Variants in FAM120A observed in about 807,000 individuals in gnomAD.
FAM120A encodes the protein constitutive coactivator of PPAR-gamma-like protein 1.
A neutral mutation model predicts 109.7 loss-of-function variants in FAM120A; 15 were observed. The observed-to-expected ratio is 0.14, with a 90% confidence interval of 0.09 to 0.21. The LOEUF (loss-of-function observed/expected upper bound fraction) is 0.21. Ranked by LOEUF, FAM120A falls within the 10% of genes least tolerant of loss-of-function variation. The pLI is 1.00. For missense variants in FAM120A, 899 were observed against 1,439.3 expected (o/e 0.62, Z 6.07); for synonymous variants, 493 against 572.8 (o/e 0.86, Z 1.99).
At chr9:93,469,344 G>T (rs576212626) in intron 1 of FAM120A, among the ~76,000 whole-genome samples, 2 of 152,164 alleles carry the variant, frequency 1.3e-5, no homozygotes, top group African/African-American at 4.8e-5. Context: ...GGAACAAGCT[G>T]ACTTTTCTAG....
Position 93,471,233 on chromosome 9 carries a change from T to C in FAM120A, c.567T>C (p.Tyr189=). 1 of 1,614,216 alleles carries C rather than the reference T, an allele frequency of 6.2e-7. No homozygotes were observed. Among genetic ancestry groups the C allele is most frequent in the Non-Finnish European group, 8.5e-7 (1 of 1,180,042 alleles). The change falls in exon 2 of 18, where the codon TAT becomes TAC. Residue 189 remains tyrosine, a synonymous_variant. Transcript: ENST00000277165. ...FHGLVAYDSD[Y]ALCNIPYYFS... The stretch of plus-strand genomic sequence containing the variant: ...GCTTGGTTGCGTATGACTCTGATTA[T>C]GCACTGTGCAACATCCCCTACTATT...
intron 8 of FAM120A, among the ~76,000 whole-genome samples, chr9:93,528,337 A>C (rs1194264937): frequency 1.3e-5 from 2 of 152,268 alleles, no homozygotes; most frequent in Non-Finnish European, 2.9e-5. Flanking sequence ...TGTAAAGAGT[A>C]TACTTTGTTT....
At position 93,452,609 on chromosome 9, in the gene FAM120A, G is replaced by A. The variant is rs1462018336; in HGVS notation, c.474+220G>A. ...CCGTCTCCAGCTGTCCCTGTTCGGG[G>A]TCCGCGGCCGCGTGGGGACACTTGA... On this transcript the variant is annotated intron_variant, in intron 1 of 17. Transcript: ENST00000277165. This position sits in a 1 kb window ranked among gnomAD's most constrained non-coding sequence, Gnocchi z 7.0. 1.9e-6 allele frequency: 3 copies of A among 1,598,962 alleles called. No individual in the cohort carries two copies. The highest frequency in any genetic ancestry group is 1.3e-5 in the African/African-American group (1 of 74,922).
At chr9:93,463,994 A>G (rs1857904758) in intron 1 of FAM120A, among the ~76,000 whole-genome samples, 1 of 152,220 alleles carries the variant, frequency 6.6e-6, no homozygotes, top group Non-Finnish European at 1.5e-5. Flanking sequence ...ACCCTATGAG[A>G]TAGAGGAATA....
Position 93,516,151 on chromosome 9 carries a change from T to A in FAM120A, c.1300T>A (p.Ser434Thr). 6.2e-7 allele frequency: 1 copy of A among 1,613,948 alleles called. No homozygotes were observed. The highest frequency in any genetic ancestry group is 1.1e-5 in the South Asian group (1 of 91,070). ...EGKHTPLYER[S>T]SPINPAQSGS... The stretch of plus-strand genomic sequence containing the variant: ...GAAGCACACGCCGCTGTATGAGCGG[T>A]CCTCGCCCATCAACCCGGCCCAGAG... Residue 434 changes from serine (S) to threonine (T), a missense_variant, in exon 7 of 18, where the codon TCC (serine) becomes ACC (threonine). Physicochemically the swap from Ser to Thr is moderately conservative, Grantham distance 58. Transcript: ENST00000277165.
chr9:93,544,627 A>G (rs1861818824), intron 11 of FAM120A, among the ~76,000 whole-genome samples: 1 of 152,192 alleles, frequency 6.6e-6, no homozygotes, highest in Non-Finnish European at 1.5e-5. Context: ...CTAACAGTTG[A>G]TGGCATTTTA....
chr9:93,564,775 T>C lies in FAM120A; in HGVS notation c.*235T>C. ...AAAAAGAGAAAGAAAATGAAGAGCA[T>C]TTGACTCCCGCACTTAAAATGAAGT... is the stretch of plus-strand genomic sequence containing the variant. On this transcript the variant is annotated 3_prime_UTR_variant, in exon 18 of 18. Transcript: ENST00000277165. 2.3e-6 allele frequency: 1 copy of C among 434,622 alleles called. No homozygotes were observed. The highest frequency in any genetic ancestry group is 4.1e-6 in the Non-Finnish European group (1 of 246,560). 26.9% of individuals were successfully genotyped at this position (434,622 alleles called of 1,614,324 possible).
rs749240307 is a variant in FAM120A at position 93,476,342 on chromosome 9, C to A, written c.804+4C>A. The A allele has an allele frequency of 6.4e-7, 1 of 1,572,082 alleles. No individual in the cohort carries two copies. Among genetic ancestry groups the A allele is most frequent in the South Asian group, 1.1e-5 (1 of 89,824 alleles). ...ACATCCACTAGCCTCACTAAAGGTA[C>A]AAATTTCACTTTATTTTTCTAGCAT... is the stretch of plus-strand genomic sequence containing the variant. On this transcript the variant is annotated splice_donor_region_variant and intron_variant, in intron 3 of 17. Transcript: ENST00000277165.
intron 7 of FAM120A, among the ~76,000 whole-genome samples, chr9:93,525,865 G>A (rs1171705842): frequency 1.3e-5 from 2 of 152,224 alleles, no homozygotes; most frequent in Non-Finnish European, 1.5e-5. Flanking sequence ...CGGGAAACCT[G>A]AACAGGGTGG....
rs1437509301 is a variant in FAM120A at position 93,452,633 on chromosome 9, G to A, written c.474+244G>A. On this transcript the variant is annotated intron_variant, in intron 1 of 17. Transcript: ENST00000277165. This position sits in a 1 kb window ranked among gnomAD's most constrained non-coding sequence, Gnocchi z 7.0. The stretch of plus-strand genomic sequence containing the variant: ...GGTCCGCGGCCGCGTGGGGACACTT[G>A]AGGGCTGGGAGAGAGCCCCGGACCA... The A allele has an allele frequency of 1.9e-6, 3 of 1,599,224 alleles. No individual in the cohort carries two copies. The South Asian group carries it at 3.3e-5, about 18-fold the overall frequency.
intron 10 of FAM120A, among the ~76,000 whole-genome samples, chr9:93,542,123 T>G (rs1159204067): frequency 6.6e-6 from 1 of 152,180 alleles, no homozygotes; most frequent in Non-Finnish European, 1.5e-5. Context: ...GAAGATCAAA[T>G]TAGAGTTTAT....
At chr9:93,460,009 A>G (rs553439942) in intron 1 of FAM120A, among the ~76,000 whole-genome samples, 1 of 152,290 alleles carries the variant, frequency 6.6e-6, no homozygotes, top group East Asian at 1.9e-4. Flanking sequence ...TAATTTTCTG[A>G]ATCAAAATAC....
intron 10 of FAM120A, among the ~76,000 whole-genome samples, chr9:93,536,442 C>T (rs1056957274): frequency 2.0e-5 from 3 of 152,200 alleles, no homozygotes; most frequent in Non-Finnish European, 4.4e-5. Flanking sequence ...ACCTTATCTG[C>T]GCAGCTATAT....
At chr9:93,466,026 G>T (rs988400775) in intron 1 of FAM120A, among the ~76,000 whole-genome samples, 2 of 152,144 alleles carry the variant, frequency 1.3e-5, no homozygotes, top group South Asian at 4.2e-4. Context: ...CACATGGCAC[G>T]TGGCATTGAC....
Position 93,564,442 on chromosome 9 carries a change from A to C in FAM120A, c.3259A>C (p.Thr1087Pro). The C allele has an allele frequency of 6.2e-7, 1 of 1,614,222 alleles. No individual in the cohort carries two copies. The highest frequency in any genetic ancestry group is 8.5e-7 in the Non-Finnish European group (1 of 1,180,048). The change falls in exon 18 of 18, where the codon ACG becomes CCG. Residue 1087 changes from threonine to proline, a missense_variant. Transcript: ENST00000277165. Reference protein sequence around the residue: ...SESALNNDSKTCNTNPHLNAL... With the variant: ...SESALNNDSKPCNTNPHLNAL... ...AAGTGCCTTGAATAATGACTCTAAA[A>C]CGTGCAATACAAATCCTCATTTAAA... is the stretch of plus-strand genomic sequence containing the variant.
intron 16 of FAM120A, 133 bp from the exon 17 acceptor site, chr9:93,562,075 T>C: frequency 1.4e-6 from 1 of 736,672 alleles, no homozygotes; most frequent in Non-Finnish European, 2.2e-6. Context: ...AAATTGCAAC[T>C]TCCGGCATAA....
At chr9:93,553,108 A>G (rs1019440282) in intron 12 of FAM120A, among the ~76,000 whole-genome samples, 1 of 152,122 alleles carries the variant, frequency 6.6e-6, no homozygotes, top group African/African-American at 2.4e-5. Flanking sequence ...TGGCTCCTTA[A>G]ATACCTGTGA....
chr9:93,539,956 A>G (rs1861639385), intron 10 of FAM120A, among the ~76,000 whole-genome samples: 1 of 152,244 alleles, frequency 6.6e-6, no homozygotes, highest in South Asian at 2.1e-4. Context: ...GGAATTCTTC[A>G]TAAGCACTAA....
chr9:93,523,640 T>G (rs1860939270), intron 7 of FAM120A, among the ~76,000 whole-genome samples: 1 of 152,230 alleles, frequency 6.6e-6, no homozygotes, highest in Non-Finnish European at 1.5e-5. Flanking sequence ...GTTAGGTGTC[T>G]CTGAACCCTC....
Sources: allele counts gnomAD v4.1 joint callset (sites outside exome capture counted in the v4.1 genomes callset), GRCh38; gene constraint gnomAD v4.1.1; non-coding constraint Gnocchi (gnomAD v3.1); transcripts MANE v1.5; gene names NCBI Gene and HGNC (gene_info 2026-07-23, HGNC 2026-07-21).